Variants in MTF2 observed in about 807,000 individuals in gnomAD.
The protein encoded by MTF2 is metal-response element-binding transcription factor 2.
A neutral mutation model predicts 79.5 loss-of-function variants in MTF2; 11 were observed. That is an observed-to-expected ratio of 0.14 (90% CI 0.09 to 0.23). MTF2 has a LOEUF of 0.23. Among genes scored for constraint, MTF2 ranks in the 10% least tolerant of loss-of-function variants. The probability of loss-of-function intolerance (pLI) is 1.00; values close to 1 mark genes in which losing one functional copy is unlikely to be tolerated. For missense variants in MTF2, 486 were observed against 711.2 expected, an observed-to-expected ratio of 0.68 and a Z score of 3.60; for synonymous variants, 208 against 232.8, an observed-to-expected ratio of 0.89 and a Z score of 0.97.
intron 2 of MTF2, 35 bp from the exon 3 acceptor site, chr1:93,110,510 A>C: frequency 6.2e-7 from 1 of 1,602,322 alleles, no homozygotes; most frequent in Non-Finnish European, 8.5e-7. Context: ...TTTTAATTTT[A>C]AGAGATCACC....
intron 9 of MTF2, among the ~76,000 whole-genome samples, chr1:93,122,148 G>T (rs1363391428): frequency 6.6e-6 from 1 of 151,912 alleles, no homozygotes; most frequent in Non-Finnish European, 1.5e-5. Flanking sequence ...GAAAGTAAGG[G>T]GTAAGGCATT....
Position 93,137,237 on chromosome 1 carries a change from T to C in MTF2, c.*210T>C. 2.4e-6 allele frequency: 1 copy of C among 422,070 alleles called. No homozygotes were observed. Among genetic ancestry groups the C allele is most frequent in the Non-Finnish European group, 4.2e-6 (1 of 238,238 alleles). The allele number at this position is 422,070 out of a possible 1,614,324, so 26.1% of individuals were successfully genotyped here. A position where few individuals can be genotyped will look rare whatever the true frequency, so the allele number is the denominator to read the frequency against. On this transcript the variant is annotated 3_prime_UTR_variant, in exon 15 of 15. Transcript: ENST00000370298. ...ATCTTTTAAAAATCAGAACAGAGAC[T>C]TAATTTTTTAAATCTTAAGATTTGT...
intron 1 of MTF2, among the ~76,000 whole-genome samples, chr1:93,083,929 T>C (rs1654721871): frequency 6.6e-6 from 1 of 152,256 alleles, no homozygotes; most frequent in African/African-American, 2.4e-5. Context: ...ACTGTCTTTT[T>C]ATTCTTGGAT....
At chr1:93,123,959 GC>G (rs985927661) in intron 9 of MTF2, among the ~76,000 whole-genome samples, 1 of 151,610 alleles carries the variant, frequency 6.6e-6, no homozygotes, top group African/African-American at 2.4e-5. Flanking sequence ...ATCATCCAAA[GC>G]TGTGACTTCT....
chr1:93,124,491 G>T (rs1274678333), intron 9 of MTF2, among the ~76,000 whole-genome samples: 2 of 152,018 alleles, frequency 1.3e-5, no homozygotes, highest in Admixed American at 6.6e-5. Context: ...CCCTGAGGTT[G>T]ATACCAGAAT....
intron 1 of MTF2, among the ~76,000 whole-genome samples, chr1:93,093,497 G>T (rs552933044): frequency 1.3e-5 from 2 of 152,172 alleles, no homozygotes; most frequent in South Asian, 4.1e-4. Context: ...AAGTTGTCTT[G>T]GGGCTTTCCT....
At chr1:93,108,321 TTTAC>T (rs1175430464) in intron 1 of MTF2, among the ~76,000 whole-genome samples, 3 of 152,188 alleles carry the variant, frequency 2.0e-5, no homozygotes, top group African/African-American at 7.2e-5. Flanking sequence ...TCCTTCTGGG[TTTAC>T]TTACTTTCAA....
chr1:93,129,313 A>G lies in MTF2; in HGVS notation c.1025A>G (p.His342Arg). The G allele has an allele frequency of 6.3e-7, 1 of 1,583,692 alleles. No individual in the cohort carries two copies. Among genetic ancestry groups the G allele is most frequent in the Non-Finnish European group, 8.6e-7 (1 of 1,164,116 alleles). ...GGGAAAGAAATAAAGAAGAAGAAGCATTTGTTTGGGTTGCGAATTCGTGTT... is the reference window on the plus strand; with the variant it reads ...GGGAAAGAAATAAAGAAGAAGAAGCGTTTGTTTGGGTTGCGAATTCGTGTT... ...MSGKEIKKKK[H>R]LFGLRIRVPP... The change falls in exon 11 of 15, where the codon CAT becomes CGT. Residue 342 changes from histidine to arginine, a missense_variant. Physicochemically the swap from His to Arg is conservative, Grantham distance 29 (BLOSUM62 0). This residue lies in a region of MTF2 where 177 missense variants were observed against 364.0 expected (regional missense o/e 0.49). Coordinates refer to ENST00000370298, the MANE Select transcript of MTF2 (RefSeq NM_007358.4).
intron 1 of MTF2, among the ~76,000 whole-genome samples, chr1:93,104,747 T>A (rs1451875331): frequency 1.3e-5 from 2 of 151,700 alleles, no homozygotes; most frequent in Non-Finnish European, 2.9e-5. Context: ...GATAAAAAAA[T>A]TAACTCCTTA....
In MTF2 at chr1:93,136,808, C is replaced by G; in HGVS notation, c.1563C>G (p.Gly521=). The G allele has an allele frequency of 6.2e-7, 1 of 1,614,068 alleles. No homozygotes were observed. Among genetic ancestry groups the G allele is most frequent in the African/African-American group, 1.3e-5 (1 of 75,002 alleles). ...QNSEIVKDDE[G]KEDYQFDELN... ...CAGAAATTGTAAAAGATGATGAAGG[C>G]AAAGAAGATTATCAGTTTGATGAAC... The change falls in exon 15 of 15, where the codon GGC becomes GGG. Residue 521 remains glycine, a synonymous_variant. Coordinates refer to ENST00000370298, the MANE Select transcript of MTF2 (RefSeq NM_007358.4).
rs1378930658 is a variant in MTF2 at position 93,137,612 on chromosome 1, C to CAT, written c.*593_*594dup. ...TCGTCTTAATATATTCTTGCATGTG[C>CAT]ATATATATACACACGTGTATATATA... On this transcript the variant is annotated 3_prime_UTR_variant, in exon 15 of 15. Transcript: ENST00000370298. 4.4e-5 allele frequency: 2 copies of CAT among 45,686 alleles called. No homozygotes were observed. Among genetic ancestry groups the CAT allele is most frequent in the Admixed American group, 1.6e-4 (1 of 6,246 alleles). 2.8% of individuals were successfully genotyped at this position (45,686 alleles called of 1,614,324 possible).
At chr1:93,129,557 GATTT>G in intron 11 of MTF2, 109 bp downstream of exon 11, 1 of 500,774 alleles carries the variant, frequency 2.0e-6, no homozygotes, top group South Asian at 7.3e-5. Flanking sequence ...CAGTTACTCT[GATTT>G]TTTTTTTTTT....
At chr1:93,111,250 C>T (rs1333067113) in intron 3 of MTF2, among the ~76,000 whole-genome samples, 1 of 152,130 alleles carries the variant, frequency 6.6e-6, no homozygotes, top group African/African-American at 2.4e-5. Context: ...GTACCTCTTT[C>T]ATGCAAAGTA....
intron 1 of MTF2, among the ~76,000 whole-genome samples, chr1:93,083,888 A>G (rs1654719104): frequency 6.6e-6 from 1 of 152,138 alleles, no homozygotes; most frequent in African/African-American, 2.4e-5. Flanking sequence ...AGAACTGTCT[A>G]TTTAAGTCTT....
rs564384334 is a variant in MTF2 at position 93,102,911 on chromosome 1, C to G, written c.6-7319C>G. Among the ~76,000 whole-genome samples the G allele has an allele frequency of 1.2e-4, 18 of 152,238 alleles. No homozygotes were observed. The East Asian group carries it at 3.5e-3, about 29-fold the overall frequency. On this transcript the variant is annotated intron_variant, in intron 1 of 14. Transcript: ENST00000370298. ...CTTTGGAAGGCCGAGGCGGGCAAAT[C>G]ACGAGGTCAGGAGTTCAAGACCAGC... is the stretch of plus-strand genomic sequence containing the variant.
intron 1 of MTF2, among the ~76,000 whole-genome samples, chr1:93,106,576 A>G (rs1383644678): frequency 1.3e-5 from 2 of 149,834 alleles, no homozygotes; most frequent in East Asian, 3.9e-4. Flanking sequence ...CTGGAGTGCA[A>G]TGGTGCGATC....
chr1:93,101,073 A>T (rs1655509904), intron 1 of MTF2, among the ~76,000 whole-genome samples: 2 of 152,254 alleles, frequency 1.3e-5, no homozygotes, highest in Admixed American at 1.3e-4. Context: ...CTAGGAGAAC[A>T]GATTGAGGAA....
intron 3 of MTF2, 97 bp downstream of exon 3, chr1:93,110,723 T>C: frequency 1.0e-6 from 1 of 982,354 alleles, no homozygotes; most frequent in Non-Finnish European, 1.6e-6. Flanking sequence ...ACAGTGTATT[T>C]AGATAACTCA....
At chr1:93,084,801 T>G (rs781697854) in intron 1 of MTF2, among the ~76,000 whole-genome samples, 1 of 152,152 alleles carries the variant, frequency 6.6e-6, no homozygotes, top group Non-Finnish European at 1.5e-5. Flanking sequence ...CTTAGGAGTT[T>G]GAGACTTCAG....
Sources: gnomAD v4.1 joint callset for allele counts (sites outside exome capture counted in the v4.1 genomes callset) on GRCh38, gnomAD v4.1.1 for gene constraint, gnomAD v4.1.1 regional missense constraint, MANE v1.5 for transcripts, NCBI Gene and HGNC (gene_info 2026-07-23, HGNC 2026-07-21) for gene names.